Variants in RRBP1 observed in about 807,000 individuals in gnomAD.
RRBP1 encodes ribosome-binding protein 1.
RRBP1 carries 94 observed loss-of-function variants against 165.2 expected under a neutral mutation model. That is an observed-to-expected ratio of 0.57 (90% CI 0.48 to 0.68). RRBP1 has a LOEUF of 0.68. Ranked by LOEUF, RRBP1 falls within the 30% of genes least tolerant of loss-of-function variation. The pLI, the probability that RRBP1 is intolerant of heterozygous loss-of-function variation, is 0.00. For synonymous variants in RRBP1, 680 were observed against 714.5 expected (o/e 0.95, Z 0.77); for missense variants, 1,676 against 1,763.0 (o/e 0.95, Z 0.88).
At chr20:17,637,848 T>C (rs2122341228) in intron 5 of RRBP1, among the ~76,000 whole-genome samples, 1 of 151,118 alleles carries the variant, frequency 6.6e-6, no homozygotes, top group South Asian at 2.1e-4. Flanking sequence ...ACTGATTAGC[T>C]ACAGAAGTGG....
chr20:17,617,378 T>C (rs781650793), intron 20 of RRBP1, among the ~76,000 whole-genome samples: 1 of 152,144 alleles, frequency 6.6e-6, no homozygotes, highest in African/African-American at 2.4e-5. Flanking sequence ...GAGGCTCAGG[T>C]AGAGGTTCCA....
intron 13 of RRBP1, among the ~76,000 whole-genome samples, chr20:17,622,602 C>T (rs2035936547): frequency 6.6e-6 from 1 of 152,110 alleles, no homozygotes; most frequent in South Asian, 2.1e-4. Flanking sequence ...GGTCGGACAC[C>T]CCCTCAGTCC....
rs2036711106 is a variant in RRBP1, at chr20:17,659,349, T to G, written c.1159A>C (p.Asn387His). 1.3e-6 allele frequency: 2 copies of G among 1,539,264 alleles called. No homozygotes were observed. Among genetic ancestry groups the G allele is most frequent in the African/African-American group, 2.9e-5 (2 of 68,702 alleles). The change falls in exon 3 of 25, where the codon AAC becomes CAC. Residue 387 changes from asparagine to histidine, a missense_variant. Transcript: ENST00000377813. ...GCCCCTTCTACTTTTTTGCCCTGGT[T>G]CTGAGCCCCCTCGGCCTTTTTGCCC... The part of the protein sequence containing the change: ...NQGKKAEGAQ[N>H]QGKKVEGAQN...
At chr20:17,618,547 G>T in intron 20 of RRBP1, 49 bp downstream of exon 20, 1 of 1,384,712 alleles carries the variant, frequency 7.2e-7, no homozygotes, top group East Asian at 2.3e-5. Flanking sequence ...TCTCACACAC[G>T]CAACGCCCCA....
intron 7 of RRBP1, among the ~76,000 whole-genome samples, chr20:17,634,915 G>A (rs1350777298): frequency 6.6e-6 from 1 of 152,206 alleles, no homozygotes; most frequent in Non-Finnish European, 1.5e-5. Flanking sequence ...GACTTCCCCT[G>A]ACCCGACTCC....
chr20:17,631,790 C>T (rs1365447531), intron 8 of RRBP1, among the ~76,000 whole-genome samples: 7 of 152,252 alleles, frequency 4.6e-5, no homozygotes, highest in African/African-American at 1.4e-4. Context: ...AGGCCACCCC[C>T]GCCCTCATTC....
Position 17,659,788 on chromosome 20 carries a change from T to C in RRBP1, c.720A>G (p.Lys240=), listed in dbSNP as rs570976020. 2 of 1,550,664 alleles carry C rather than the reference T, an allele frequency of 1.3e-6. No individual in the cohort carries two copies. Among genetic ancestry groups the C allele is most frequent in the Non-Finnish European group, 1.7e-6 (2 of 1,146,928 alleles). The change falls in exon 3 of 25, where the codon AAA becomes AAG. Residue 240 remains lysine, a synonymous_variant. Coordinates refer to ENST00000377813, the MANE Select transcript of RRBP1 (RefSeq NM_001365613.2). The part of the protein sequence containing the change: ...KKTEGTPNQG[K]KAEGTPNQGK... ...CTTGGTTTGGGGTTCCCTCTGCCTT[T>C]TTCCCTTGGTTTGGGGTTCCCTCTG...
chr20:17,676,778 T>G (rs1385494573), intron 2 of RRBP1, among the ~76,000 whole-genome samples: 10 of 151,644 alleles, frequency 6.6e-5, no homozygotes, highest in Non-Finnish European at 7.4e-5. Flanking sequence ...TGAGACAGAG[T>G]CTCACTCTGT....
chr20:17,616,863 G>C, intron 20 of RRBP1, 24 bp from the exon 21 acceptor site: 1 of 1,556,442 alleles, frequency 6.4e-7, no homozygotes, highest in Non-Finnish European at 8.9e-7. Flanking sequence ...GGGTGTGTTT[G>C]CAAATGCACA....
chr20:17,620,797 A>G lies in RRBP1; in HGVS notation c.3425T>C (p.Leu1142Pro). The G allele has an allele frequency of 1.2e-6, 2 of 1,606,404 alleles. No homozygotes were observed. The highest frequency in any genetic ancestry group is 1.7e-6 in the Non-Finnish European group (2 of 1,178,226). Residue 1142 changes from leucine (L) to proline (P), a missense_variant, in exon 17 of 25, where the codon CTC (leucine) becomes CCC (proline). Coordinates refer to ENST00000377813, the MANE Select transcript of RRBP1 (RefSeq NM_001365613.2). ...CTCCACGCTCTTCTGCAGGTCTCTG[A>G]GCATGCCCTCCTGGGGGGAAACCGA... ...RSILAETEGMLRDLQKSVEEE... is the reference protein window; with the variant it reads ...RSILAETEGMPRDLQKSVEEE...
In RRBP1 at chr20:17,635,847, G is replaced by A. The variant is rs115987118; in HGVS notation, c.2338-183C>T. ...GCCTGAAAATTGCGAAGCTTAAGCG[G>A]CCAAGCATGACTCCCACACCCAGCG... On this transcript the variant is annotated intron_variant, in intron 6 of 24. Coordinates refer to ENST00000377813, the MANE Select transcript of RRBP1 (RefSeq NM_001365613.2). Among the ~76,000 whole-genome samples, 833 of 152,318 alleles carry A rather than the reference G, an allele frequency of 5.5e-3. 10 individuals carry two copies. The highest frequency in any genetic ancestry group is 0.019 in the African/African-American group (799 of 41,576).
rs764088384 is a variant in RRBP1 at position 17,660,162 on chromosome 20, T to A, written c.346A>T (p.Ile116Phe). 32 of 1,613,876 alleles carry A rather than the reference T, an allele frequency of 2.0e-5. No individual in the cohort carries two copies. The highest frequency in any genetic ancestry group is 2.2e-5 in the Non-Finnish European group (26 of 1,179,998). ...ACTGTGGCGACAGGAGCAACGATAA[T>A]GGGGGGCTGCACTGGGGTTGGAGCC... Reference protein sequence around the residue: ...AVAPTPVQPPIIVAPVATVPA... With the variant: ...AVAPTPVQPPFIVAPVATVPA... The change falls in exon 3 of 25, where the codon ATT (isoleucine) becomes TTT (phenylalanine). Residue 116 changes from isoleucine (I) to phenylalanine (F), a missense_variant. Physicochemically the swap from Ile to Phe is conservative, Grantham distance 21. Transcript: ENST00000377813.
intron 13 of RRBP1, chr20:17,622,705 C>A (rs1238090634): frequency 6.6e-6 from 1 of 152,322 alleles, no homozygotes; most frequent in Non-Finnish European, 1.5e-5. Flanking sequence ...TGAAGCAAAG[C>A]CTAGGACCAC....
chr20:17,616,660 C>G (rs935123749), intron 21 of RRBP1, 72 bp downstream of exon 21: 32 of 1,053,530 alleles, frequency 3.0e-5, no homozygotes, highest in Non-Finnish European at 4.4e-5. Flanking sequence ...GGGTTTAGTC[C>G]GAACGGAGGC....
chr20:17,614,008 G>A lies in RRBP1; in HGVS notation c.*174C>T, dbSNP rs1487190534. 15 of 646,600 alleles carry A rather than the reference G, an allele frequency of 2.3e-5. No homozygotes were observed. Among genetic ancestry groups the A allele is most frequent in the Non-Finnish European group, 3.9e-5 (14 of 358,386 alleles). 40.1% of individuals were successfully genotyped at this position (646,600 alleles called of 1,614,324 possible). ...GTGACACAGGTTCATTTACAAACTG[G>A]GGCTCTGGAAGGTCTACTTCTGTGG... On this transcript the variant is annotated 3_prime_UTR_variant, in exon 25 of 25. Coordinates refer to ENST00000377813, the MANE Select transcript of RRBP1 (RefSeq NM_001365613.2).
chr20:17,620,467 G>C lies in RRBP1; in HGVS notation c.3508-97C>G, dbSNP rs112837969. The stretch of plus-strand genomic sequence containing the variant: ...CCCGAGCGGGACTGACCCAACTTAG[G>C]AAGCCCCGGGGGTGCCCACTCCGCC... On this transcript the variant is annotated intron_variant, in intron 17 of 24. Coordinates refer to ENST00000377813, the MANE Select transcript of RRBP1 (RefSeq NM_001365613.2). 694 of 1,145,032 alleles carry C rather than the reference G, an allele frequency of 6.1e-4. 3 individuals are homozygous for C. In the African/African-American group the frequency reaches 9.3e-3, roughly 15 times the overall value. The allele number at this position is 1,145,032 out of a possible 1,614,324, so 70.9% of individuals were successfully genotyped here. A position where few individuals can be genotyped will look rare whatever the true frequency, so the allele number is the denominator to read the frequency against.
At chr20:17,630,392 A>G (rs1275454944) in intron 8 of RRBP1, among the ~76,000 whole-genome samples, 1 of 152,230 alleles carries the variant, frequency 6.6e-6, no homozygotes, top group East Asian at 1.9e-4. Flanking sequence ...ACGGTGCACC[A>G]CTGCGATCAC....
chr20:17,647,122 G>A (rs2036479084), intron 3 of RRBP1, among the ~76,000 whole-genome samples: 1 of 152,268 alleles, frequency 6.6e-6, no homozygotes, highest in South Asian at 2.1e-4. Flanking sequence ...CAGCAGCCCT[G>A]ATCAGGGCAG....
At chr20:17,641,442 G>A in intron 5 of RRBP1, 1 of 271,970 alleles carries the variant, frequency 3.7e-6, no homozygotes, top group Non-Finnish European at 7.1e-6. Context: ...TCCAGGCACA[G>A]CCCCTAGAAA....
Sources: allele counts gnomAD v4.1 joint callset (sites outside exome capture counted in the v4.1 genomes callset), GRCh38; gene constraint gnomAD v4.1.1; transcripts MANE v1.5; gene names NCBI Gene and HGNC (gene_info 2026-07-23, HGNC 2026-07-21).